PACRG: variants seen among roughly 807,000 people sequenced by gnomAD.
PACRG encodes parkin coregulated.
In PACRG, 29 loss-of-function variants were observed where a neutral mutation model predicts 29.7. The observed-to-expected ratio is 0.98, with a 90% CI of 0.73 to 1.33. PACRG has a LOEUF of 1.33. Ranked by LOEUF, PACRG falls within the 40% of genes most tolerant of loss-of-function variation. PACRG has a pLI of 0.00. For synonymous variants in PACRG, 116 were observed against 118.7 expected (o/e 0.98, Z 0.15); for missense variants, 279 against 316.2 (o/e 0.88, Z 0.89).
chr6:163,313,464 G>T (rs1785518123), intron 4 of PACRG, among the ~76,000 whole-genome samples: 1 of 152,108 alleles, frequency 6.6e-6, no homozygotes, highest in Non-Finnish European at 1.5e-5. Flanking sequence ...CTGCTTCCCT[G>T]TGCTGTGTAG....
At chr6:162,912,728 CATTCATCT>C (rs1156545296) in intron 2 of PACRG, among the ~76,000 whole-genome samples, 1 of 151,786 alleles carries the variant, frequency 6.6e-6, no homozygotes, top group East Asian at 1.9e-4. Context: ...CGTGCCACCA[CATTCATCT>C]AATTTTTGTC....
At chr6:162,951,653 C>A (rs1009075876) in intron 2 of PACRG, among the ~76,000 whole-genome samples, 1 of 152,232 alleles carries the variant, frequency 6.6e-6, no homozygotes, top group Non-Finnish European at 1.5e-5. Flanking sequence ...CCTCAGTTGG[C>A]CATGCAGAGT....
chr6:163,203,501 T>C (rs1293714837), intron 4 of PACRG, among the ~76,000 whole-genome samples: 1 of 152,178 alleles, frequency 6.6e-6, no homozygotes, highest in Admixed American at 6.5e-5. Context: ...CTTCTGAAGA[T>C]TTATTTTGTT....
At chr6:162,940,251 C>G (rs376543731) in intron 2 of PACRG, among the ~76,000 whole-genome samples, 3 of 152,258 alleles carry the variant, frequency 2.0e-5, no homozygotes, top group African/African-American at 7.2e-5. Flanking sequence ...AGAGAGAACT[C>G]AAACTTACTG....
At chr6:163,120,178 G>A (rs930880060) in intron 4 of PACRG, among the ~76,000 whole-genome samples, 1 of 152,160 alleles carries the variant, frequency 6.6e-6, no homozygotes, top group Admixed American at 6.5e-5. Flanking sequence ...AAGAGGGAAA[G>A]CTATAGTGGG....
intron 4 of PACRG, among the ~76,000 whole-genome samples, chr6:163,180,302 T>C (rs1360833877): frequency 1.3e-5 from 2 of 152,232 alleles, no homozygotes; most frequent in East Asian, 3.8e-4. Flanking sequence ...TCCATTTGTG[T>C]TTAGTGACAA....
chr6:163,314,798 T>C, intron 4 of PACRG, 29 bp from the exon 5 acceptor site: 2 of 1,607,672 alleles, frequency 1.2e-6, no homozygotes, highest in Non-Finnish European at 1.7e-6. Context: ...GAGAAGTAAC[T>C]GGCCTCTTTG....
At chr6:163,217,468 G>C (rs1261654509) in intron 4 of PACRG, among the ~76,000 whole-genome samples, 3 of 152,166 alleles carry the variant, frequency 2.0e-5, no homozygotes, top group Non-Finnish European at 4.4e-5. Flanking sequence ...TGAAACCTTT[G>C]ATCATGATTC....
intron 4 of PACRG, among the ~76,000 whole-genome samples, chr6:163,091,851 A>G (rs1814136584): frequency 6.6e-6 from 1 of 152,218 alleles, no homozygotes; most frequent in South Asian, 2.1e-4. Context: ...AATTATATAT[A>G]CTTATTTTAT....
intron 2 of PACRG, among the ~76,000 whole-genome samples, chr6:162,846,806 A>C (rs1438344524): frequency 6.6e-6 from 1 of 152,114 alleles, no homozygotes; most frequent in Non-Finnish European, 1.5e-5. Context: ...TATGCTCCCC[A>C]CTGTTGTCTG....
chr6:163,068,523 A>G (rs894024459), intron 3 of PACRG, among the ~76,000 whole-genome samples: 7 of 150,742 alleles, frequency 4.6e-5, no homozygotes, highest in African/African-American at 1.7e-4. Flanking sequence ...ATTTCAATTT[A>G]GAGACCTATG....
intron 4 of PACRG, among the ~76,000 whole-genome samples, chr6:163,144,342 A>G (rs1463939585): frequency 2.2e-5 from 3 of 136,592 alleles, no homozygotes; most frequent in Non-Finnish European, 4.6e-5. Flanking sequence ...ATACACACAC[A>G]TACATACACA....
Position 163,055,926 on chromosome 6 carries a change from T to C in PACRG, c.292-6224T>C, listed in dbSNP as rs893613609. Among the ~76,000 whole-genome samples, 3 of 152,226 alleles carry C rather than the reference T, an allele frequency of 2.0e-5. No individual in the cohort carries two copies. The highest frequency in any genetic ancestry group is 4.4e-5 in the Non-Finnish European group (3 of 68,036). On this transcript the variant is annotated intron_variant, in intron 2 of 4. Coordinates refer to ENST00000366888, the MANE Select transcript of PACRG (RefSeq NM_001080379.2). This position sits in a 1 kb window ranked among gnomAD's most constrained non-coding sequence, Gnocchi z 4.0. ...TTCCGAACGTTTCATAGAAATGGAA[T>C]CGTACAGTATGTGGTCTTTTGTGAC...
intron 4 of PACRG, among the ~76,000 whole-genome samples, chr6:163,196,347 C>G (rs1388383344): frequency 2.6e-5 from 4 of 152,198 alleles, no homozygotes; most frequent in African/African-American, 7.2e-5. Flanking sequence ...ACCTTTCACT[C>G]TTTTCGCCAA....
At chr6:163,291,369 A>C (rs76490458) in intron 4 of PACRG, among the ~76,000 whole-genome samples, 27 of 134,442 alleles carry the variant, frequency 2.0e-4, no homozygotes, top group Middle Eastern at 4.3e-3. Flanking sequence ...TCTGCCCGCC[A>C]GAGCTGGCCT....
chr6:163,021,791 C>T (rs940259201), intron 2 of PACRG, among the ~76,000 whole-genome samples: 2 of 152,202 alleles, frequency 1.3e-5, no homozygotes, highest in Non-Finnish European at 2.9e-5. Flanking sequence ...TCATGGTCCC[C>T]TGCCTTTGCC....
intron 1 of PACRG, among the ~76,000 whole-genome samples, chr6:162,738,188 A>G (rs1241758376): frequency 6.6e-6 from 1 of 152,198 alleles, no homozygotes; most frequent in East Asian, 1.9e-4. Flanking sequence ...ATGCATAATG[A>G]ATATATATGT....
intron 2 of PACRG, among the ~76,000 whole-genome samples, chr6:162,855,301 A>C (rs1320629185): frequency 6.6e-6 from 1 of 152,212 alleles, no homozygotes; most frequent in African/African-American, 2.4e-5. Context: ...TATAATTGTG[A>C]TTTATGACAC....
chr6:162,904,392 G>A (rs746028824), intron 2 of PACRG, among the ~76,000 whole-genome samples: 6 of 152,174 alleles, frequency 3.9e-5, no homozygotes, highest in Admixed American at 6.5e-5. Flanking sequence ...CTCTCAAGTC[G>A]GGGAACAGCC....
Sources: allele counts gnomAD v4.1 joint callset (sites outside exome capture counted in the v4.1 genomes callset), GRCh38; gene constraint gnomAD v4.1.1; non-coding constraint Gnocchi (gnomAD v3.1); transcripts MANE v1.5; gene names NCBI Gene and HGNC (gene_info 2026-07-23, HGNC 2026-07-21).